The following DACH2 variants were observed in gnomAD, a reference collection of about 807,000 sequenced individuals.
DACH2 encodes the protein dachshund family transcription factor 2.
DACH2 carries 17 observed loss-of-function variants against 35.8 expected under a neutral mutation model. The ratio of observed to expected loss-of-function variants is 0.48; its 90% CI spans 0.33 to 0.71. The LOEUF is 0.71. Among genes scored for constraint, DACH2 ranks in the 30% least tolerant of loss-of-function variants. The pLI, the probability that DACH2 is intolerant of heterozygous loss-of-function variation, is 0.02. For missense variants in DACH2, 469 were observed against 472.7 expected (o/e 0.99, Z 0.07); for synonymous variants, 195 against 177.3 (o/e 1.10, Z -0.79).
At chrX:86,331,611 G>T (rs2035214773) in intron 1 of DACH2, among the ~76,000 whole-genome samples, 1 of 111,549 alleles carries the variant, frequency 9.0e-6, no homozygotes, top group Non-Finnish European at 1.9e-5. Context: ...GAAAATGGCA[G>T]AAAAATGTGC....
chrX:86,822,885 T>C (rs1418000155), intron 11 of DACH2, among the ~76,000 whole-genome samples: 1 of 112,237 alleles, frequency 8.9e-6, no homozygotes, highest in Non-Finnish European at 1.9e-5. Flanking sequence ...TTTTTATTCT[T>C]ACTAAACTCA....
intron 3 of DACH2, among the ~76,000 whole-genome samples, chrX:86,577,512 T>A (rs1056102658): frequency 2.0e-4 from 22 of 111,773 alleles, no homozygotes; most frequent in African/African-American, 7.1e-4. Flanking sequence ...ACAGAAATGT[T>A]GCAAAGATAG....
At chrX:86,761,771 A>G (rs769537581) in intron 7 of DACH2, among the ~76,000 whole-genome samples, 3 of 110,951 alleles carry the variant, frequency 2.7e-5, no homozygotes, top group Non-Finnish European at 5.7e-5. Flanking sequence ...AGAGTAGGAT[A>G]CCAAATGAGC....
intron 3 of DACH2, among the ~76,000 whole-genome samples, chrX:86,609,758 C>T (rs184770274): frequency 2.7e-5 from 3 of 111,593 alleles, no homozygotes; most frequent in Non-Finnish European, 5.6e-5. Flanking sequence ...GGAGAGTTCT[C>T]TGGATTACCA....
At chrX:86,335,075 G>A (rs2035281595) in intron 1 of DACH2, among the ~76,000 whole-genome samples, 1 of 111,215 alleles carries the variant, frequency 9.0e-6, no homozygotes, top group African/African-American at 3.3e-5. Flanking sequence ...TTGTAGATGT[G>A]GGGCACTATT....
chrX:86,742,335 TATC>T (rs1305000719), intron 7 of DACH2, among the ~76,000 whole-genome samples: 14 of 111,272 alleles, frequency 1.3e-4, no homozygotes, highest in South Asian at 3.7e-4. Context: ...TTTTATAAAG[TATC>T]ATAATAATTT....
intron 2 of DACH2, among the ~76,000 whole-genome samples, chrX:86,425,921 A>C (rs1005074960): frequency 9.0e-6 from 1 of 111,201 alleles, no homozygotes; most frequent in Non-Finnish European, 1.9e-5. Context: ...CGTAGTAGAA[A>C]AATAAGTTGG....
chrX:86,653,379 A>G (rs1316384022), intron 4 of DACH2, among the ~76,000 whole-genome samples: 1 of 111,048 alleles, frequency 9.0e-6, no homozygotes, highest in African/African-American at 3.3e-5. Context: ...TTCAGCTTTG[A>G]TGTCTAAAAG....
intron 3 of DACH2, among the ~76,000 whole-genome samples, chrX:86,633,085 C>CA (rs1259364731): frequency 9.2e-6 from 1 of 108,512 alleles, no homozygotes; most frequent in Non-Finnish European, 1.9e-5. Context: ...AACAAACAAA[C>CA]AAACAAAACA....
chrX:86,551,756 C>T (rs983092042), intron 3 of DACH2, among the ~76,000 whole-genome samples: 1 of 111,683 alleles, frequency 9.0e-6, no homozygotes, highest in Non-Finnish European at 1.9e-5. Context: ...TGACTTAAAT[C>T]CAATCTGCTT....
chrX:86,768,552 C>A, intron 7 of DACH2, among the ~76,000 whole-genome samples: 1 of 111,670 alleles, frequency 9.0e-6, no homozygotes, highest in South Asian at 3.7e-4. Context: ...GCCACTTACA[C>A]TTATTATCAT....
intron 2 of DACH2, among the ~76,000 whole-genome samples, chrX:86,454,336 G>C (rs765151957): frequency 3.6e-4 from 40 of 111,168 alleles, no homozygotes; most frequent in Non-Finnish European, 6.8e-4. Flanking sequence ...TGCTATGTTG[G>C]GGAAGTTCTT....
intron 1 of DACH2, among the ~76,000 whole-genome samples, chrX:86,329,985 CTG>C (rs1456447024): frequency 9.0e-6 from 1 of 111,586 alleles, no homozygotes; most frequent in East Asian, 2.8e-4. Flanking sequence ...ATGGAGAAAA[CTG>C]TGTTTGTTGA....
At chrX:86,412,549 T>C (rs1006032757) in intron 2 of DACH2, among the ~76,000 whole-genome samples, 2 of 111,681 alleles carry the variant, frequency 1.8e-5, no homozygotes, top group African/African-American at 6.5e-5. Context: ...GTGAATTCCA[T>C]GAGCATGAGC....
At chrX:86,281,003 A>T (rs2147983718) in intron 1 of DACH2, among the ~76,000 whole-genome samples, 1 of 111,616 alleles carries the variant, frequency 9.0e-6, no homozygotes, top group Non-Finnish European at 1.9e-5. Context: ...ATAATAATGG[A>T]AGACTTTAAA....
At chrX:86,380,486 G>C (rs1232711845) in intron 2 of DACH2, among the ~76,000 whole-genome samples, 1 of 110,335 alleles carries the variant, frequency 9.1e-6, no homozygotes, top group African/African-American at 3.3e-5. Flanking sequence ...GCATCATTTT[G>C]ATAGTGTAAT....
intron 4 of DACH2, among the ~76,000 whole-genome samples, chrX:86,693,734 C>T (rs1402045340): frequency 8.9e-6 from 1 of 111,870 alleles, no homozygotes; most frequent in Non-Finnish European, 1.9e-5. Context: ...GACTCAAATT[C>T]CACTCAGGGA....
At chrX:86,621,370 A>G (rs1255807599) in intron 3 of DACH2, among the ~76,000 whole-genome samples, 2 of 111,297 alleles carry the variant, frequency 1.8e-5, no homozygotes, top group African/African-American at 3.3e-5. Context: ...ACAAAACATA[A>G]TTTGGGGAGG....
chrX:86,784,456 T>C (rs2042118670), intron 7 of DACH2, among the ~76,000 whole-genome samples: 1 of 111,577 alleles, frequency 9.0e-6, no homozygotes, highest in African/African-American at 3.3e-5. Flanking sequence ...TCAAAATGGC[T>C]ATCAATAAAA....
Sources: gnomAD v4.1 joint callset for allele counts (sites outside exome capture counted in the v4.1 genomes callset) on GRCh38, gnomAD v4.1.1 for gene constraint, MANE v1.5 for transcripts, NCBI Gene and HGNC (gene_info 2026-07-23, HGNC 2026-07-21) for gene names.